SYNPR: variants seen among roughly 807,000 people sequenced by gnomAD.
SYNPR encodes synaptoporin.
In SYNPR, 23 loss-of-function variants were observed where a neutral mutation model predicts 32.9. The observed-to-expected ratio is 0.70, with a 90% confidence interval of 0.50 to 0.99. SYNPR has a LOEUF of 0.99. SYNPR is among the 50% of genes least tolerant of loss of function. The pLI is 0.00. For missense variants in SYNPR, 318 were observed against 349.3 expected, an observed-to-expected ratio of 0.91 and a Z score of 0.71; for synonymous variants, 146 against 135.9, an observed-to-expected ratio of 1.07 and a Z score of -0.52.
At chr3:63,283,317 T>C (rs1487497104) in intron 2 of SYNPR, among the ~76,000 whole-genome samples, 1 of 148,542 alleles carries the variant, frequency 6.7e-6, no homozygotes, top group East Asian at 2.0e-4. Context: ...TAATAACATA[T>C]AAAAGTCCAG....
intron 3 of SYNPR, among the ~76,000 whole-genome samples, chr3:63,512,027 A>C (rs1202864907): frequency 1.3e-5 from 2 of 151,624 alleles, no homozygotes; most frequent in Non-Finnish European, 3.0e-5. Flanking sequence ...AACATATCTG[A>C]TTACTGACAC....
At chr3:63,248,426 C>T (rs761228033) in intron 1 of SYNPR, among the ~76,000 whole-genome samples, 1 of 152,008 alleles carries the variant, frequency 6.6e-6, no homozygotes, top group Admixed American at 6.6e-5. Context: ...TGCCTTCTAG[C>T]TGGAAGACAG....
chr3:63,203,049 T>TAA, the SYNPR span, among the ~76,000 whole-genome samples: 1 of 86,466 alleles, frequency 1.2e-5, no homozygotes, highest in Non-Finnish European at 2.2e-5. Flanking sequence ...TAAATATAAA[T>TAA]ACATATATAT....
intron 2 of SYNPR, among the ~76,000 whole-genome samples, chr3:63,345,138 A>T (rs574872516): frequency 1.1e-3 from 172 of 152,334 alleles, no homozygotes; most frequent in Non-Finnish European, 1.8e-3. Flanking sequence ...TCATTTAACT[A>T]TGCCTAGGTT....
chr3:63,562,234 A>T (rs1379097636), intron 4 of SYNPR, among the ~76,000 whole-genome samples: 1 of 152,180 alleles, frequency 6.6e-6, no homozygotes, highest in Non-Finnish European at 1.5e-5. Context: ...CAAGTCAAAT[A>T]ATGAGGATTT....
At chr3:63,344,821 G>C (rs2839822) in intron 2 of SYNPR, among the ~76,000 whole-genome samples, 70,548 of 151,858 alleles carry the variant, frequency 0.46, 17,453 homozygotes, top group Non-Finnish European at 0.55. Flanking sequence ...GGATGGGCAG[G>C]GGGCTGGTGA....
chr3:63,256,357 C>A (rs574005424), intron 2 of SYNPR, among the ~76,000 whole-genome samples: 1 of 152,294 alleles, frequency 6.6e-6, no homozygotes, highest in Non-Finnish European at 1.5e-5. Context: ...GCCGGGTACT[C>A]CTCTGAGACA....
intron 2 of SYNPR, among the ~76,000 whole-genome samples, chr3:63,317,276 A>G (rs1165986927): frequency 6.6e-6 from 1 of 151,016 alleles, no homozygotes; most frequent in Non-Finnish European, 1.5e-5. Context: ...GTTTAAATCC[A>G]TTGTTTCTTT....
At chr3:63,217,567 TCGCGCACGGTG>T in the SYNPR span, among the ~76,000 whole-genome samples, 1 of 132,246 alleles carries the variant, frequency 7.6e-6, no homozygotes, top group Non-Finnish European at 1.6e-5. Context: ...CTGCTTCGGC[TCGCGCACGGTG>T]CGCGCACACA....
the SYNPR span, chr3:63,203,490 A>C: frequency 6.6e-6 from 1 of 152,166 alleles, no homozygotes. Context: ...CCAATGCCAC[A>C]GATTCCTCAC....
intron 3 of SYNPR, among the ~76,000 whole-genome samples, chr3:63,537,400 C>T (rs868163760): frequency 5.9e-5 from 9 of 152,044 alleles, no homozygotes; most frequent in Admixed American, 1.3e-4. Flanking sequence ...CTTAGTTCAA[C>T]GTTGAATTGC....
chr3:63,444,356 T>C (rs1269208361), intron 2 of SYNPR: 1 of 152,240 alleles, frequency 6.6e-6, no homozygotes, highest in African/African-American at 2.4e-5. Context: ...AAAAGTATTT[T>C]AATATAATTA....
intron 3 of SYNPR, among the ~76,000 whole-genome samples, chr3:63,520,672 C>CG (rs1404468323): frequency 7.0e-6 from 1 of 142,582 alleles, no homozygotes; most frequent in African/African-American, 2.6e-5. Flanking sequence ...GACTCCATCT[C>CG]AAAAAAAAAA....
At chr3:63,205,416 A>C in the SYNPR span, among the ~76,000 whole-genome samples, 6 of 152,196 alleles carry the variant, frequency 3.9e-5, no homozygotes, top group Admixed American at 2.0e-4. Context: ...CTACCTTTTC[A>C]TGTAATACTT....
chr3:63,568,368 A>AT (rs1245181368), intron 4 of SYNPR, among the ~76,000 whole-genome samples: 1 of 152,182 alleles, frequency 6.6e-6, no homozygotes, highest in Non-Finnish European at 1.5e-5. Context: ...AAGTGGAGAA[A>AT]AAAGCCAAGA....
intron 2 of SYNPR, among the ~76,000 whole-genome samples, chr3:63,473,052 CTT>C (rs1303545319): frequency 6.6e-6 from 1 of 152,102 alleles, no homozygotes. Context: ...TAACTCTCTT[CTT>C]TTTCTCTTAC....
In SYNPR at chr3:63,540,369, A is replaced by G. The variant is rs148453749; in HGVS notation, c.210-16174A>G. 2.3e-3 allele frequency among the ~76,000 whole-genome samples: 343 copies of G among 152,260 alleles called. 7 individuals carry two copies. Among genetic ancestry groups the G allele is most frequent in the East Asian group, 0.011 (55 of 5,162 alleles). On this transcript the variant is annotated intron_variant, in intron 3 of 5. Coordinates refer to ENST00000478300, the MANE Select transcript of SYNPR (RefSeq NM_001130003.2). Reference sequence around the variant, plus strand: ...AGATTTTAACGTGAGTAGTCTGAACATAGAGCCATGGTCTAAGCAACACTT... The same window carrying G: ...AGATTTTAACGTGAGTAGTCTGAACGTAGAGCCATGGTCTAAGCAACACTT...
chr3:63,460,064 C>T (rs1363436808), intron 2 of SYNPR, among the ~76,000 whole-genome samples: 2 of 152,142 alleles, frequency 1.3e-5, no homozygotes. Context: ...CCCACTCACA[C>T]CTTCCTCCAA....
At chr3:63,485,891 G>T (rs1479592729) in intron 3 of SYNPR, among the ~76,000 whole-genome samples, 3 of 152,200 alleles carry the variant, frequency 2.0e-5, no homozygotes, top group African/African-American at 7.2e-5. Context: ...TCACTTCCAT[G>T]TCTTGAGACC....
Sources: allele counts gnomAD v4.1 joint callset (sites outside exome capture counted in the v4.1 genomes callset), GRCh38; gene constraint gnomAD v4.1.1; transcripts MANE v1.5; gene names NCBI Gene and HGNC (gene_info 2026-07-23, HGNC 2026-07-21).